ACACB: variants seen among roughly 807,000 people sequenced by gnomAD.
ACACB encodes acetyl-CoA carboxylase beta.
ACACB carries 209 observed loss-of-function variants against 278.8 expected under a neutral mutation model. The observed-to-expected ratio is 0.75, with a 90% CI of 0.67 to 0.84. The LOEUF is 0.84. Ranked by LOEUF, ACACB falls within the 40% of genes least tolerant of loss-of-function variation. The probability of loss-of-function intolerance (pLI) is 0.00; values close to 1 mark genes in which losing one functional copy is unlikely to be tolerated. For synonymous variants in ACACB, 1,174 were observed against 1,285.6 expected, an observed-to-expected ratio of 0.91 and a Z score of 1.86; for missense variants, 2,850 against 3,269.0, an observed-to-expected ratio of 0.87 and a Z score of 3.13.
intron 1 of ACACB, among the ~76,000 whole-genome samples, chr12:109,138,206 T>TGGC (rs1360797231): frequency 5.9e-5 from 9 of 152,326 alleles, no homozygotes; most frequent in Admixed American, 5.9e-4. Flanking sequence ...ACTGGGCTCA[T>TGGC]TTTTAAAACA....
rs778054556 is a variant in ACACB, at chr12:109,132,049, C to A, written c.-9-7348C>A. Among the ~76,000 whole-genome samples the A allele has an allele frequency of 3.9e-5, 6 of 152,328 alleles. No homozygotes were observed. In the South Asian group the frequency reaches 1.0e-3, roughly 26 times the overall value. ...GCCTTATGGAATTTACTTATCTCCACTGCAGTGGTGGGACAGTGGAAAAGG... is the reference window on the plus strand; with the variant it reads ...GCCTTATGGAATTTACTTATCTCCAATGCAGTGGTGGGACAGTGGAAAAGG... On this transcript the variant is annotated intron_variant, in intron 1 of 52. Coordinates refer to ENST00000338432, the MANE Select transcript of ACACB (RefSeq NM_001093.4).
Position 109,197,023 on chromosome 12 carries a change from C to T in ACACB, c.2497C>T (p.Leu833=). ...GTCCCCACAGGTGGCCCGGCAGTCT[C>T]TGACCATGTTCGTTCTCATCATGAA... ...KYILKVARQS[L]TMFVLIMNGC... Residue 833 remains leucine, a synonymous_variant, in exon 17 of 53, where the codon CTG becomes TTG. Transcript: ENST00000338432. The T allele has an allele frequency of 6.4e-7, 1 of 1,570,962 alleles. No homozygotes were observed. The highest frequency in any genetic ancestry group is 8.6e-7 in the Non-Finnish European group (1 of 1,163,306).
In ACACB at chr12:109,201,622, T is replaced by G; in HGVS notation, c.2834T>G (p.Ile945Ser). Residue 945 changes from isoleucine to serine, a missense_variant, in exon 19 of 53, where the codon ATC becomes AGC. Physicochemically the swap from Ile to Ser is moderately radical, Grantham distance 142 (BLOSUM62 -2). Coordinates refer to ENST00000338432, the MANE Select transcript of ACACB (RefSeq NM_001093.4). ...NVQERGRVKY[I>S]KRPGAVLEAG... ...CAGGAAAGAGGCCGGGTGAAGTACA[T>G]CAAGCGTCCAGGTGCCGTGCTGGAA... 6.2e-7 allele frequency: 1 copy of G among 1,614,128 alleles called. No individual in the cohort carries two copies. The highest frequency in any genetic ancestry group is 8.5e-7 in the Non-Finnish European group (1 of 1,180,022).
intron 42 of ACACB, 121 bp downstream of exon 42, chr12:109,252,277 C>A: frequency 1.6e-6 from 1 of 638,286 alleles, no homozygotes. Flanking sequence ...CCTACTGATA[C>A]AAGAGCTCTT....
At chr12:109,246,048 C>T (rs1459338838) in intron 38 of ACACB, 131 bp from the exon 39 acceptor site, 2 of 1,100,544 alleles carry the variant, frequency 1.8e-6, no homozygotes, top group Non-Finnish European at 2.5e-6. Context: ...TGTGATTGCA[C>T]CACTGCACTC....
intron 2 of ACACB, among the ~76,000 whole-genome samples, chr12:109,145,637 C>G (rs1028989977): frequency 2.0e-5 from 3 of 151,964 alleles, no homozygotes. Context: ...AAGCCTGACC[C>G]AAAAAGGCAA....
chr12:109,128,583 C>G (rs991557695), intron 1 of ACACB, among the ~76,000 whole-genome samples: 2 of 152,080 alleles, frequency 1.3e-5, no homozygotes, highest in Non-Finnish European at 2.9e-5. Flanking sequence ...AAGTGATCTG[C>G]CCCCCTCAGC....
At chr12:109,130,705 G>A (rs775260366) in intron 1 of ACACB, among the ~76,000 whole-genome samples, 3 of 152,136 alleles carry the variant, frequency 2.0e-5, no homozygotes, top group Non-Finnish European at 2.9e-5. Context: ...AGCCTCTTAC[G>A]CCCCAGCAGC....
chr12:109,219,632 G>C (rs2046103635), intron 24 of ACACB, among the ~76,000 whole-genome samples: 2 of 152,150 alleles, frequency 1.3e-5, no homozygotes, highest in South Asian at 4.1e-4. Flanking sequence ...AAAGGATTGT[G>C]GTGTCTGCAA....
At chr12:109,238,561 TTA>T (rs200436371) in intron 34 of ACACB, among the ~76,000 whole-genome samples, 1 of 145,950 alleles carries the variant, frequency 6.9e-6, no homozygotes, top group Non-Finnish European at 1.5e-5. Flanking sequence ...TATATAATTA[TTA>T]TATATATATA....
chr12:109,112,819 A>G (rs1370117975), upstream of ACACB, among the ~76,000 whole-genome samples: 1 of 152,104 alleles, frequency 6.6e-6, no homozygotes, highest in African/African-American at 2.4e-5. Context: ...CATAAAAGGC[A>G]GTCTTAGCCT....
At position 109,256,225 on chromosome 12, in the gene ACACB, A is replaced by G. The variant is rs750221913; in HGVS notation, c.6252A>G (p.Thr2084=). Residue 2084 remains threonine (T), a synonymous_variant, in exon 45 of 53, where the codon ACA becomes ACG. Coordinates refer to ENST00000338432, the MANE Select transcript of ACACB (RefSeq NM_001093.4). ...CACCCTGGGCGCAGACCGTGGTGACAGGACGAGCAAGGTAATCATGAAGAC... is the reference window on the plus strand; with the variant it reads ...CACCCTGGGCGCAGACCGTGGTGACGGGACGAGCAAGGTAATCATGAAGAC... The part of the protein sequence containing the change: ...IMAPWAQTVV[T]GRARLGGIPV... 6.2e-7 allele frequency: 1 copy of G among 1,613,874 alleles called. No individual in the cohort carries two copies. The highest frequency in any genetic ancestry group is 1.1e-5 in the South Asian group (1 of 91,076).
chr12:109,227,010 G>T (rs1454555093), intron 27 of ACACB, among the ~76,000 whole-genome samples: 1 of 151,736 alleles, frequency 6.6e-6, no homozygotes, highest in Admixed American at 6.6e-5. Context: ...AAGTGCAGTG[G>T]TGCTATCATA....
intron 1 of ACACB, among the ~76,000 whole-genome samples, chr12:109,132,171 CT>C (rs545662953): frequency 5.9e-4 from 86 of 146,124 alleles, no homozygotes; most frequent in South Asian, 4.1e-3. Flanking sequence ...TGGGTTGTTC[CT>C]TTTTTTTTTT....
rs1328463939 is a variant in ACACB, at chr12:109,267,106, C to T, written c.*744C>T. 6.6e-6 allele frequency: 1 copy of T among 152,076 alleles called. No individual in the cohort carries two copies. Among genetic ancestry groups the T allele is most frequent in the African/African-American group, 2.4e-5 (1 of 41,406 alleles). 9.4% of individuals were successfully genotyped at this position (152,076 alleles called of 1,614,324 possible). On this transcript the variant is annotated 3_prime_UTR_variant, in exon 53 of 53. Coordinates refer to ENST00000338432, the MANE Select transcript of ACACB (RefSeq NM_001093.4). ...AGGTTGGTCAGGCTGGTCTCAAACT[C>T]TTGACTTCAGGTAATCCACCCACCT... is the stretch of plus-strand genomic sequence containing the variant.
rs756198206 is a variant in ACACB, at chr12:109,216,870, T to G, written c.3514T>G (p.Phe1172Val). The change falls in exon 24 of 53, where the codon TTC becomes GTC. Residue 1172 changes from phenylalanine (F) to valine (V), a missense_variant. By Grantham distance (50) the Phe-to-Val change is conservative (BLOSUM62 -1). Coordinates refer to ENST00000338432, the MANE Select transcript of ACACB (RefSeq NM_001093.4). ...PDMSQVLDCI[F>V]SHAQVAKKNQ... ...CATGTCCCAGGTGCTGGACTGCATCTTCTCCCACGCACAGGTGGCCAAGAA... is the reference window on the plus strand; with the variant it reads ...CATGTCCCAGGTGCTGGACTGCATCGTCTCCCACGCACAGGTGGCCAAGAA... The G allele has an allele frequency of 2.0e-5, 32 of 1,614,010 alleles. No homozygotes were observed. Among genetic ancestry groups the G allele is most frequent in the Non-Finnish European group, 2.4e-5 (28 of 1,180,034 alleles).
rs2046019321 is a variant in ACACB at position 109,216,925 on chromosome 12, G to A, written c.3564+5G>A. On this transcript the variant is annotated splice_donor_5th_base_variant and intron_variant, in intron 24 of 52. Coordinates refer to ENST00000338432, the MANE Select transcript of ACACB (RefSeq NM_001093.4). Reference sequence around the variant, plus strand: ...CAGCTGGTGATCATGTTGATCGTAAGCAGGAAGAGGGCCTGTTACTAGACT... The same window carrying A: ...CAGCTGGTGATCATGTTGATCGTAAACAGGAAGAGGGCCTGTTACTAGACT... 1 of 1,612,724 alleles carries A rather than the reference G, an allele frequency of 6.2e-7. No individual in the cohort carries two copies. The highest frequency in any genetic ancestry group is 8.5e-7 in the Non-Finnish European group (1 of 1,179,810).
At chr12:109,124,269 A>G (rs1195342671) in intron 1 of ACACB, among the ~76,000 whole-genome samples, 1 of 152,128 alleles carries the variant, frequency 6.6e-6, no homozygotes, top group Non-Finnish European at 1.5e-5. Context: ...TCCCTTTATT[A>G]AATGCCAGTT....
intron 37 of ACACB, among the ~76,000 whole-genome samples, chr12:109,243,314 T>G (rs1214287804): frequency 6.6e-6 from 1 of 152,150 alleles, no homozygotes; most frequent in Non-Finnish European, 1.5e-5. Flanking sequence ...AAATAATGTT[T>G]TGGGTTGGGC....
Sources: allele counts gnomAD v4.1 joint callset (sites outside exome capture counted in the v4.1 genomes callset), GRCh38; gene constraint gnomAD v4.1.1; transcripts MANE v1.5; gene names NCBI Gene and HGNC (gene_info 2026-07-23, HGNC 2026-07-21).